The following CSTPP1 variants were observed in gnomAD, a reference collection of about 807,000 sequenced individuals.
CSTPP1 encodes UPF0705 protein C11orf49.
the CSTPP1 span, among the ~76,000 whole-genome samples, chr11:47,123,978 AC>A: frequency 1.3e-5 from 2 of 151,954 alleles, no homozygotes; most frequent in African/African-American, 2.4e-5. Flanking sequence ...ATTATGCGCT[AC>A]CCAGTCTTTG....
chr11:47,100,767 G>A, the CSTPP1 span, among the ~76,000 whole-genome samples: 3 of 152,182 alleles, frequency 2.0e-5, no homozygotes, highest in African/African-American at 7.2e-5. Context: ...TCCAGCATGG[G>A]CGACAGAGGG....
chr11:47,062,975 C>G, the CSTPP1 span, among the ~76,000 whole-genome samples: 1 of 152,204 alleles, frequency 6.6e-6, no homozygotes, highest in African/African-American at 2.4e-5. Context: ...CCAACCCAAG[C>G]TGCCCTGCTT....
At chr11:46,957,897 C>A in the CSTPP1 span, among the ~76,000 whole-genome samples, 1 of 152,214 alleles carries the variant, frequency 6.6e-6, no homozygotes, top group Admixed American at 6.5e-5. Flanking sequence ...CCCAGAAAAA[C>A]TGAACTAATA....
chr11:47,137,241 C>T, the CSTPP1 span: 1 of 1,270,572 alleles, frequency 7.9e-7, no homozygotes, highest in Non-Finnish European at 1.0e-6. Context: ...GGTCTTTGGG[C>T]ATGTGGTGGG....
At chr11:47,053,447 C>T in the CSTPP1 span, among the ~76,000 whole-genome samples, 1 of 151,722 alleles carries the variant, frequency 6.6e-6, no homozygotes, top group South Asian at 2.1e-4. Flanking sequence ...GGTGAAACCC[C>T]GTCTCTACTA....
At chr11:46,956,688 T>C in the CSTPP1 span, among the ~76,000 whole-genome samples, 3 of 152,242 alleles carry the variant, frequency 2.0e-5, no homozygotes, top group African/African-American at 7.2e-5. Flanking sequence ...TTTTTTTTGC[T>C]GTGTACTTTA....
At chr11:47,054,076 G>A in the CSTPP1 span, among the ~76,000 whole-genome samples, 2 of 151,294 alleles carry the variant, frequency 1.3e-5, no homozygotes, top group Admixed American at 6.6e-5. Context: ...TTGGGAGGCC[G>A]AGGCGGGCAG....
the CSTPP1 span, among the ~76,000 whole-genome samples, chr11:47,074,569 C>A: frequency 6.7e-6 from 1 of 149,596 alleles, no homozygotes; most frequent in Admixed American, 6.6e-5. Flanking sequence ...GGGAAATTTT[C>A]TTTTAAAAAA....
the CSTPP1 span, among the ~76,000 whole-genome samples, chr11:46,964,699 G>C: frequency 3.9e-5 from 6 of 152,230 alleles, no homozygotes; most frequent in South Asian, 1.2e-3. Flanking sequence ...AATAATTGAG[G>C]ATTTCATTGA....
At chr11:47,124,162 C>A in the CSTPP1 span, among the ~76,000 whole-genome samples, 53 of 107,154 alleles carry the variant, frequency 4.9e-4, 1 homozygote, top group African/African-American at 1.8e-3. Flanking sequence ...CTCGTTCCGT[C>A]ACCCAGGCTG....
the CSTPP1 span, among the ~76,000 whole-genome samples, chr11:46,995,219 A>G: frequency 2.0e-5 from 3 of 152,122 alleles, no homozygotes; most frequent in Admixed American, 1.3e-4. Context: ...GATCTTTTCA[A>G]AAAACCAGCT....
the CSTPP1 span, among the ~76,000 whole-genome samples, chr11:47,060,185 T>G: frequency 6.6e-6 from 1 of 150,804 alleles, no homozygotes; most frequent in Non-Finnish European, 1.5e-5. Flanking sequence ...ACAGCGCTTA[T>G]AAGTAGCACA....
At chr11:47,127,218 T>G in the CSTPP1 span, among the ~76,000 whole-genome samples, 2 of 152,196 alleles carry the variant, frequency 1.3e-5, no homozygotes, top group African/African-American at 4.8e-5. Context: ...AGCCTCATTT[T>G]CCATGTCTAT....
At chr11:46,963,324 C>CTT in the CSTPP1 span, among the ~76,000 whole-genome samples, 6 of 123,094 alleles carry the variant, frequency 4.9e-5, no homozygotes, top group Admixed American at 3.2e-4. Context: ...TTAGTTTTAG[C>CTT]TTTTTTTTTT....
At chr11:46,961,038 T>C in the CSTPP1 span, among the ~76,000 whole-genome samples, 1 of 152,216 alleles carries the variant, frequency 6.6e-6, no homozygotes, top group East Asian at 1.9e-4. Flanking sequence ...TGAACATCTG[T>C]ATACAAGTTT....
At chr11:47,098,808 A>G in the CSTPP1 span, among the ~76,000 whole-genome samples, 3 of 152,186 alleles carry the variant, frequency 2.0e-5, no homozygotes, top group African/African-American at 7.2e-5. Flanking sequence ...GCCATTCTCC[A>G]TGACATGCTT....
chr11:47,037,843 C>G, the CSTPP1 span, among the ~76,000 whole-genome samples: 25 of 128,162 alleles, frequency 2.0e-4, 2 homozygotes, highest in African/African-American at 5.7e-4. Context: ...ACCCTTCCCC[C>G]CTTTCTATTC....
At chr11:47,077,154 C>T in the CSTPP1 span, among the ~76,000 whole-genome samples, 1,581 of 147,950 alleles carry the variant, frequency 0.011, 10 homozygotes, top group Non-Finnish European at 0.017. Context: ...ACCTAGAATT[C>T]TGTACCAAAC....
the CSTPP1 span, among the ~76,000 whole-genome samples, chr11:47,162,509 A>G: frequency 6.6e-6 from 1 of 152,196 alleles, no homozygotes; most frequent in Non-Finnish European, 1.5e-5. Flanking sequence ...GTGGCCATAA[A>G]GGGTTAATAC....
Sources: gnomAD v4.1 joint callset for allele counts (sites outside exome capture counted in the v4.1 genomes callset) on GRCh38, gnomAD v4.1.1 for gene constraint, MANE v1.5 for transcripts, NCBI Gene and HGNC (gene_info 2026-07-23, HGNC 2026-07-21) for gene names.